The following NAALADL2 variants were observed in gnomAD, a reference collection of about 807,000 sequenced individuals.
NAALADL2 encodes the protein inactive N-acetylated-alpha-linked acidic dipeptidase-like protein 2.
A neutral mutation model predicts 87.2 loss-of-function variants in NAALADL2; 76 were observed. The ratio of observed to expected loss-of-function variants is 0.87; its 90% CI spans 0.72 to 1.05. The LOEUF (loss-of-function observed/expected upper bound fraction) is 1.05, where lower values mean the gene tolerates loss of function less well. Ranked by LOEUF, NAALADL2 falls within the 50% of genes least tolerant of loss-of-function variation. The pLI, the probability that NAALADL2 is intolerant of heterozygous loss-of-function variation, is 0.00. For synonymous variants in NAALADL2, 354 were observed against 331.0 expected (o/e 1.07, Z -0.75); for missense variants, 1,089 against 945.8 (o/e 1.15, Z -1.99).
chr3:175,732,213 A>G (rs1049946401), intron 11 of NAALADL2, among the ~76,000 whole-genome samples: 1 of 152,208 alleles, frequency 6.6e-6, no homozygotes, highest in Admixed American at 6.5e-5. Flanking sequence ...TGAACTGACA[A>G]CAGGCAGGCT....
intron 1 of NAALADL2, among the ~76,000 whole-genome samples, chr3:174,916,189 G>A (rs1445052510): frequency 1.3e-5 from 2 of 151,978 alleles, no homozygotes; most frequent in Non-Finnish European, 2.9e-5. Flanking sequence ...CTGCAAGAAC[G>A]GCCATAATTA....
intron 1 of NAALADL2, among the ~76,000 whole-genome samples, chr3:175,031,702 C>G (rs781688079): frequency 1.3e-4 from 20 of 152,176 alleles, no homozygotes; most frequent in South Asian, 2.1e-4. Flanking sequence ...CAACTGCTTT[C>G]CACCATGACT....
At chr3:175,332,174 A>G (rs1039000448) in intron 5 of NAALADL2, among the ~76,000 whole-genome samples, 7 of 152,210 alleles carry the variant, frequency 4.6e-5, no homozygotes, top group African/African-American at 1.7e-4. Flanking sequence ...TACAGATTCA[A>G]TGCAATCCCT....
Position 175,499,635 on chromosome 3 carries a change from T to C in NAALADL2, c.1653+27877T>C, listed in dbSNP as rs116271153. On this transcript the variant is annotated intron_variant, in intron 9 of 13. Coordinates refer to ENST00000454872, the MANE Select transcript of NAALADL2 (RefSeq NM_207015.3). ...TTATGCGACAGGTCCGTGATTCGGA[T>C]TGGAGCCTTACGTGGGCATTTCAAA... Among the ~76,000 whole-genome samples, 7 of 152,196 alleles carry C rather than the reference T, an allele frequency of 4.6e-5. No individual in the cohort carries two copies. The East Asian group carries it at 5.8e-4, about 13-fold the overall frequency.
intron 2 of NAALADL2, among the ~76,000 whole-genome samples, chr3:175,123,727 T>C (rs1468960889): frequency 1.3e-5 from 2 of 151,858 alleles, no homozygotes; most frequent in African/African-American, 2.4e-5. Context: ...ACTTACGTAT[T>C]TCCTCCACTG....
chr3:175,477,791 C>G (rs1285938736), intron 9 of NAALADL2, among the ~76,000 whole-genome samples: 1 of 107,018 alleles, frequency 9.3e-6, no homozygotes, highest in Non-Finnish European at 2.2e-5. Context: ...TAGAGCCATT[C>G]AAGGGTTTTT....
At chr3:174,472,986 A>G (rs1312589115) in intron 1 of NAALADL2, among the ~76,000 whole-genome samples, 10 of 152,206 alleles carry the variant, frequency 6.6e-5, no homozygotes, top group African/African-American at 2.4e-4. Context: ...ATGACTTCGT[A>G]GATTTCTTCT....
chr3:175,094,904 TAACTC>T (rs1366782246), intron 1 of NAALADL2, among the ~76,000 whole-genome samples: 1 of 151,982 alleles, frequency 6.6e-6, no homozygotes. Context: ...ATGTTCCTTC[TAACTC>T]ATACAGACTA....
chr3:175,000,752 A>G (rs1050129656), intron 1 of NAALADL2, among the ~76,000 whole-genome samples: 1 of 152,234 alleles, frequency 6.6e-6, no homozygotes, highest in African/African-American at 2.4e-5. Context: ...CAATATTAAC[A>G]CCAACCATTT....
intron 1 of NAALADL2, among the ~76,000 whole-genome samples, chr3:174,451,963 C>G (rs1577941732): frequency 1.3e-5 from 2 of 150,544 alleles, no homozygotes; most frequent in East Asian, 4.0e-4. Context: ...GTGCCTCAGC[C>G]TCCCGAGTAG....
At position 175,346,435 on chromosome 3, in the gene NAALADL2, A is replaced by G. The variant is rs533013099; in HGVS notation, c.1090+22110A>G. Among the ~76,000 whole-genome samples, 7 of 152,272 alleles carry G rather than the reference A, an allele frequency of 4.6e-5. 1 individual carries two copies. In the South Asian group the frequency reaches 1.5e-3, roughly 32 times the overall value. On this transcript the variant is annotated intron_variant, in intron 5 of 13. Transcript: ENST00000454872. ...CCCATCTTCCTCAATGAGCGCACCA[A>G]AAAACTTCATCCTTACCCCACCATA... is the stretch of plus-strand genomic sequence containing the variant.
upstream of NAALADL2, among the ~76,000 whole-genome samples, chr3:174,856,935 T>C (rs1725920667): frequency 6.6e-6 from 1 of 152,126 alleles, no homozygotes; most frequent in Non-Finnish European, 1.5e-5. Flanking sequence ...TGTGTTCCGA[T>C]TGATGTCATT....
At chr3:175,234,541 G>T (rs1274523084) in intron 3 of NAALADL2, among the ~76,000 whole-genome samples, 2 of 152,176 alleles carry the variant, frequency 1.3e-5, no homozygotes, top group Non-Finnish European at 2.9e-5. Flanking sequence ...GAAAGGGAAA[G>T]AAATGGAGAG....
intron 12 of NAALADL2, among the ~76,000 whole-genome samples, chr3:175,743,961 A>G (rs1745591085): frequency 6.6e-6 from 1 of 152,170 alleles, no homozygotes; most frequent in Admixed American, 6.5e-5. Flanking sequence ...GGAGGTAAAA[A>G]TCTTCAAAGA....
At position 175,688,628 on chromosome 3, in the gene NAALADL2, A is replaced by T. The variant is rs564917906; in HGVS notation, c.1897-48678A>T. On this transcript the variant is annotated intron_variant, in intron 11 of 13. Coordinates refer to ENST00000454872, the MANE Select transcript of NAALADL2 (RefSeq NM_207015.3). Reference sequence around the variant, plus strand: ...AGACACAGGGATCATCTCTCTGTTGAGGGAGCCCCCAAACAAAAGGCTCAG... The same window carrying T: ...AGACACAGGGATCATCTCTCTGTTGTGGGAGCCCCCAAACAAAAGGCTCAG... 4.6e-5 allele frequency among the ~76,000 whole-genome samples: 7 copies of T among 152,232 alleles called. No individual in the cohort carries two copies. In the South Asian group the frequency reaches 1.5e-3, roughly 32 times the overall value.
chr3:175,729,067 T>A (rs1743317034), intron 11 of NAALADL2, among the ~76,000 whole-genome samples: 1 of 152,172 alleles, frequency 6.6e-6, no homozygotes, highest in Admixed American at 6.5e-5. Context: ...ATGTGGTTTG[T>A]TTAGAGTGGA....
intron 13 of NAALADL2, among the ~76,000 whole-genome samples, chr3:175,790,703 T>C (rs993300097): frequency 6.6e-6 from 1 of 152,196 alleles, no homozygotes; most frequent in Non-Finnish European, 1.5e-5. Context: ...CCCTTATTAA[T>C]AATCTTTTCA....
intron 2 of NAALADL2, among the ~76,000 whole-genome samples, chr3:174,592,255 GTTA>G (rs1017760554): frequency 3.6e-5 from 4 of 109,744 alleles, no homozygotes; most frequent in African/African-American, 1.3e-4. Context: ...TTTTTATTTT[GTTA>G]TTATTATACT....
chr3:175,267,478 T>G (rs956659817), intron 4 of NAALADL2, among the ~76,000 whole-genome samples: 3 of 152,188 alleles, frequency 2.0e-5, no homozygotes, highest in African/African-American at 7.2e-5. Flanking sequence ...TCTTCAGTTT[T>G]GAGTAATGCC....
Sources: gnomAD v4.1 joint callset for allele counts (sites outside exome capture counted in the v4.1 genomes callset) on GRCh38, gnomAD v4.1.1 for gene constraint, MANE v1.5 for transcripts, NCBI Gene and HGNC (gene_info 2026-07-23, HGNC 2026-07-21) for gene names.